The following LRRIQ1 variants were observed in gnomAD, a reference collection of about 807,000 sequenced individuals.
The protein encoded by LRRIQ1 is leucine rich repeats and IQ motif containing 1.
Under a neutral mutation model 211.9 loss-of-function variants are expected in LRRIQ1, and 210 were observed. The observed-to-expected ratio is 0.99, with a 90% CI of 0.89 to 1.11. LRRIQ1 has a LOEUF of 1.11. LRRIQ1 is among the 50% of genes most tolerant of loss of function. LRRIQ1 has a pLI of 0.00. For missense variants in LRRIQ1, 2,136 were observed against 1,939.5 expected (o/e 1.10, Z -1.90); for synonymous variants, 699 against 650.1 (o/e 1.08, Z -1.14).
chr12:85,180,057 T>A (rs1284131800), intron 24 of LRRIQ1, among the ~76,000 whole-genome samples: 1 of 152,010 alleles, frequency 6.6e-6, no homozygotes, highest in Non-Finnish European at 1.5e-5. Context: ...TGCCAATTGC[T>A]ATTACTCAAA....
chr12:85,174,599 C>T lies in LRRIQ1; in HGVS notation c.4822+13885C>T, dbSNP rs532857618. Among the ~76,000 whole-genome samples the T allele has an allele frequency of 2.5e-4, 36 of 146,930 alleles. 1 individual carries two copies. In the South Asian group the frequency reaches 3.4e-3, roughly 14 times the overall value. On this transcript the variant is annotated intron_variant, in intron 24 of 26. Coordinates refer to ENST00000393217, the MANE Select transcript of LRRIQ1 (RefSeq NM_001079910.2). Reference sequence around the variant, plus strand: ...TGCCTTTAGTCCCAGCTACTTGGGACGCTGAGAAAAGAGAATCACTTGAAC... The same window carrying T: ...TGCCTTTAGTCCCAGCTACTTGGGATGCTGAGAAAAGAGAATCACTTGAAC...
At chr12:85,134,641 T>G (rs953234859) in intron 18 of LRRIQ1, among the ~76,000 whole-genome samples, 30 of 152,244 alleles carry the variant, frequency 2.0e-4, no homozygotes, top group African/African-American at 6.5e-4. Flanking sequence ...CATTGGAAAT[T>G]ATGAATGACA....
intron 18 of LRRIQ1, among the ~76,000 whole-genome samples, chr12:85,128,967 G>A (rs1888570391): frequency 6.6e-6 from 1 of 151,970 alleles, no homozygotes; most frequent in African/African-American, 2.4e-5. Flanking sequence ...CTGGGGCTTG[G>A]GTCCTCTTCC....
At chr12:85,078,972 T>G (rs1883975441) in intron 11 of LRRIQ1, among the ~76,000 whole-genome samples, 1 of 152,148 alleles carries the variant, frequency 6.6e-6, no homozygotes. Flanking sequence ...GTTACACATT[T>G]TTGTAAATCT....
chr12:85,192,432 T>TTA (rs1417617575), intron 24 of LRRIQ1, among the ~76,000 whole-genome samples: 1 of 131,528 alleles, frequency 7.6e-6, no homozygotes, highest in African/African-American at 2.8e-5. Context: ...TTATATATAT[T>TTA]TATATATAAA....
At chr12:85,130,125 G>T (rs1205029894) in intron 18 of LRRIQ1, among the ~76,000 whole-genome samples, 1 of 152,124 alleles carries the variant, frequency 6.6e-6, no homozygotes, top group Non-Finnish European at 1.5e-5. Context: ...TAAAGACATA[G>T]CTTTCAAGAG....
At chr12:85,257,134 T>C (rs1289735753) in intron 1 of LRRIQ1, among the ~76,000 whole-genome samples, 2 of 103,880 alleles carry the variant, frequency 1.9e-5, no homozygotes, top group Admixed American at 1.3e-4. Flanking sequence ...ATATAATATA[T>C]ATTATATATT....
At chr12:85,261,538 T>C (rs1185392019) in intron 1 of LRRIQ1, among the ~76,000 whole-genome samples, 2 of 151,656 alleles carry the variant, frequency 1.3e-5, no homozygotes, top group African/African-American at 4.8e-5. Context: ...AAAGTATTAA[T>C]CTCAAAAAAC....
intron 24 of LRRIQ1, among the ~76,000 whole-genome samples, chr12:85,197,299 A>G (rs969604828): frequency 2.6e-5 from 4 of 151,562 alleles, no homozygotes; most frequent in African/African-American, 9.7e-5. Context: ...AACTGGAAAT[A>G]CCATTTGACC....
In LRRIQ1 at chr12:85,065,421, T is replaced by C. The variant is rs2136057908; in HGVS notation, c.2544+7T>C. 4.4e-6 allele frequency: 7 copies of C among 1,581,610 alleles called. No individual in the cohort carries two copies. Among genetic ancestry groups the C allele is most frequent in the East Asian group, 4.5e-5 (2 of 44,216 alleles). Reference sequence around the variant, plus strand: ...TAAGTACATTGATGCACAGGTATGCTCTCTGCCCTACTGTTATTTATTTTA... The same window carrying C: ...TAAGTACATTGATGCACAGGTATGCCCTCTGCCCTACTGTTATTTATTTTA... On this transcript the variant is annotated splice_region_variant and intron_variant, in intron 9 of 26. Transcript: ENST00000393217.
intron 6 of LRRIQ1, among the ~76,000 whole-genome samples, chr12:85,050,420 C>T (rs1401786076): frequency 2.0e-5 from 3 of 152,164 alleles, no homozygotes; most frequent in African/African-American, 7.2e-5. Flanking sequence ...CCTACAAAAA[C>T]TGCATACTCA....
chr12:85,173,982 G>C (rs1002156591), intron 24 of LRRIQ1, among the ~76,000 whole-genome samples: 1 of 151,962 alleles, frequency 6.6e-6, no homozygotes, highest in African/African-American at 2.4e-5. Context: ...GTCACCTTTA[G>C]GTAAAACTCT....
intron 24 of LRRIQ1, among the ~76,000 whole-genome samples, chr12:85,201,079 C>T (rs1478665442): frequency 1.3e-5 from 2 of 151,980 alleles, no homozygotes; most frequent in African/African-American, 4.8e-5. Flanking sequence ...GATTCACCCG[C>T]CTCTGCCTCC....
intron 15 of LRRIQ1, 30 bp from the exon 16 acceptor site, chr12:85,121,667 G>C: frequency 1.3e-6 from 2 of 1,511,834 alleles, no homozygotes; most frequent in Non-Finnish European, 1.8e-6. Context: ...TCAAGATCAG[G>C]ATTATTAACT....
At chr12:85,071,845 T>C (rs1883117535) in intron 10 of LRRIQ1, among the ~76,000 whole-genome samples, 1 of 152,020 alleles carries the variant, frequency 6.6e-6, no homozygotes, top group African/African-American at 2.4e-5. Flanking sequence ...AAAAACAGTA[T>C]GGAGGAAACT....
intron 11 of LRRIQ1, among the ~76,000 whole-genome samples, chr12:85,075,102 A>G (rs1325319186): frequency 2.6e-5 from 4 of 152,158 alleles, no homozygotes; most frequent in Non-Finnish European, 2.9e-5. Context: ...TAAGTGCTTT[A>G]TACAAATTAA....
intron 5 of LRRIQ1, 55 bp from the exon 6 acceptor site, chr12:85,047,192 G>C (rs1012482202): frequency 1.4e-5 from 18 of 1,314,454 alleles, no homozygotes; most frequent in Non-Finnish European, 1.6e-5. Context: ...CTTTGAATTA[G>C]TTTTGACAGT....
At chr12:85,228,725 G>A (rs1225829719) in intron 24 of LRRIQ1, among the ~76,000 whole-genome samples, 2 of 152,102 alleles carry the variant, frequency 1.3e-5, no homozygotes, top group Non-Finnish European at 2.9e-5. Context: ...TTCAAAATAG[G>A]TTTTGCACCA....
intron 3 of LRRIQ1, among the ~76,000 whole-genome samples, chr12:85,042,656 C>A (rs993800486): frequency 6.7e-6 from 1 of 149,750 alleles, no homozygotes; most frequent in East Asian, 1.9e-4. Context: ...ATTTGTTACA[C>A]GGGATGATAG....
Sources: allele counts gnomAD v4.1 joint callset (sites outside exome capture counted in the v4.1 genomes callset), GRCh38; gene constraint gnomAD v4.1.1; transcripts MANE v1.5; gene names NCBI Gene and HGNC (gene_info 2026-07-23, HGNC 2026-07-21).